Variants in LAT observed in about 807,000 individuals in gnomAD.
LAT encodes the protein linker for activation of T-cells family member 1.
A neutral mutation model predicts 39.1 loss-of-function variants in LAT; 12 were observed. The observed-to-expected ratio is 0.31, with a 90% CI of 0.20 to 0.50. The LOEUF is 0.50. LAT is among the 20% of genes least tolerant of loss of function. The pLI, the probability that LAT is intolerant of heterozygous loss-of-function variation, is 0.98. For missense variants in LAT, 253 were observed against 308.0 expected (o/e 0.82, Z 1.34); for synonymous variants, 117 against 123.8 (o/e 0.95, Z 0.36).
At position 28,986,120 on chromosome 16, in the gene LAT, G is replaced by A. The variant is rs982107383; in HGVS notation, c.164-15G>A. On this transcript the variant is annotated splice_polypyrimidine_tract_variant and intron_variant, in intron 3 of 11. Coordinates refer to ENST00000395456, the MANE Select transcript of LAT (RefSeq NM_001014987.2). This position sits in a 1 kb window ranked among gnomAD's most constrained non-coding sequence, Gnocchi z 5.7. Reference sequence around the variant, plus strand: ...TGTCCGGAGTCCTTCTTTCAACTTGGTTCTGTGTCCTCAGACACGGTTGCC... The same window carrying A: ...TGTCCGGAGTCCTTCTTTCAACTTGATTCTGTGTCCTCAGACACGGTTGCC... The A allele has an allele frequency of 2.5e-6, 4 of 1,585,164 alleles. No individual in the cohort carries two copies. Among genetic ancestry groups the A allele is most frequent in the African/African-American group, 2.7e-5 (2 of 74,132 alleles).
chr16:28,987,697 C>A (rs1019811822), intron 8 of LAT: 2 of 150,186 alleles, frequency 1.3e-5, no homozygotes, highest in African/African-American at 5.1e-5. Flanking sequence ...CCAAGTACTT[C>A]TTTTCTTTCA....
In LAT at chr16:28,986,238, GCCCCTCCAAAGCTCAGCCCCTC is replaced by G. The variant is rs753785101; in HGVS notation, c.245+33_245+54del. 6.4e-6 allele frequency: 10 copies of G among 1,572,710 alleles called. No individual in the cohort carries two copies. Among genetic ancestry groups the G allele is most frequent in the Admixed American group, 1.8e-5 (1 of 56,706 alleles). ...TCCCGTGAGTAGCTGCTCAGCCCCT[GCCCCTCCAAAGCTCAGCCCCTC>G]CCCCTCCAAACTCCACTCTCTACCC... is the stretch of plus-strand genomic sequence containing the variant. On this transcript the variant is annotated intron_variant, in intron 4 of 11. Transcript: ENST00000395456. This position sits in a 1 kb window ranked among gnomAD's most constrained non-coding sequence, Gnocchi z 5.7.
intron 8 of LAT, chr16:28,988,923 AG>A (rs1430201889): frequency 6.5e-6 from 1 of 152,758 alleles, no homozygotes; most frequent in Non-Finnish European, 1.5e-5. Flanking sequence ...AGATCATCTG[AG>A]CCCAGGAGGT....
In LAT at chr16:28,985,329, G is replaced by A. The variant is rs1375733415; in HGVS notation, c.-89G>A. 1.3e-6 allele frequency: 2 copies of A among 1,571,638 alleles called. No individual in the cohort carries two copies. Among genetic ancestry groups the A allele is most frequent in the East Asian group, 4.5e-5 (2 of 44,002 alleles). Reference sequence around the variant, plus strand: ...CTACCTGCCCCCTGCTCCCTGCCGGGTCCGGTCCTCACCCCATCTTCATCT... The same window carrying A: ...CTACCTGCCCCCTGCTCCCTGCCGGATCCGGTCCTCACCCCATCTTCATCT... On this transcript the variant is annotated 5_prime_UTR_variant, in exon 1 of 12. Coordinates refer to ENST00000395456, the MANE Select transcript of LAT (RefSeq NM_001014987.2). The surrounding 1 kb of genome is among the most constrained non-coding windows in gnomAD (Gnocchi z 4.6).
intron 8 of LAT, among the ~76,000 whole-genome samples, chr16:28,987,312 C>G (rs1019199796): frequency 6.6e-6 from 1 of 152,154 alleles, no homozygotes; most frequent in Non-Finnish European, 1.5e-5. Flanking sequence ...TCAACCCTTC[C>G]ACTGCAATTT....
rs747217398 is a variant in LAT at position 28,986,762 on chromosome 16, C to T, written c.399-37C>T. 4 of 1,608,692 alleles carry T rather than the reference C, an allele frequency of 2.5e-6. No individual in the cohort carries two copies. In the African/African-American group the frequency reaches 4.0e-5, roughly 16 times the overall value. On this transcript the variant is annotated intron_variant, in intron 7 of 11. Transcript: ENST00000395456. This position sits in a 1 kb window ranked among gnomAD's most constrained non-coding sequence, Gnocchi z 5.7. The stretch of plus-strand genomic sequence containing the variant: ...GGAGGTGAGGGCTGAGGCTGTGCGT[C>T]CCCCCTTGCTCACCGGCCCTTTTCA...
In LAT at chr16:28,989,523, A is replaced by T; in HGVS notation, c.494-4A>T. Reference sequence around the variant, plus strand: ...GTGCCGAGGTGGGCCTGGCTTTTCCACAGTGGAGTCCATTGATGATTACGT... The same window carrying T: ...GTGCCGAGGTGGGCCTGGCTTTTCCTCAGTGGAGTCCATTGATGATTACGT... On this transcript the variant is annotated splice_polypyrimidine_tract_variant and splice_region_variant and intron_variant, in intron 8 of 11. Transcript: ENST00000395456. The T allele has an allele frequency of 1.2e-6, 2 of 1,604,146 alleles. No individual in the cohort carries two copies. Among genetic ancestry groups the T allele is most frequent in the Non-Finnish European group, 1.7e-6 (2 of 1,174,562 alleles).
chr16:28,990,196 C>T lies in LAT; in HGVS notation c.*15C>T, dbSNP rs566598862. 1.1e-5 allele frequency: 8 copies of T among 713,980 alleles called. No homozygotes were observed. The highest frequency in any genetic ancestry group is 4.5e-5 in the South Asian group (3 of 66,814). 44.2% of individuals were successfully genotyped at this position (713,980 alleles called of 1,614,324 possible). On this transcript the variant is annotated 3_prime_UTR_variant, in exon 12 of 12. Coordinates refer to ENST00000395456, the MANE Select transcript of LAT (RefSeq NM_001014987.2). ...TGCCCTGGTGTGTTTCAGTGGAGGC[C>T]GAGTCTGTCCTGGAACCAGGCTTGC...
intron 8 of LAT, 99 bp from the exon 9 acceptor site, chr16:28,989,428 C>A: frequency 9.5e-7 from 1 of 1,050,474 alleles, no homozygotes; most frequent in South Asian, 1.5e-5. Flanking sequence ...TGGGGTCTAC[C>A]GTTGGGGAGC....
rs555904248 is a variant in LAT, at chr16:28,985,886, C to G, written c.161C>G (p.Pro54Arg). Residue 54 changes from proline to arginine, a missense_variant and splice_region_variant, in exon 3 of 12, where the codon CCT becomes CGT. Transcript: ENST00000395456. This position sits in a 1 kb window ranked among gnomAD's most constrained non-coding sequence, Gnocchi z 4.6. ...CCAAGGGGCATCCAGTTCAAACGGC[C>G]TCGTGAGTACAAGGAGGGTCCCCTA... is the stretch of plus-strand genomic sequence containing the variant. The part of the protein sequence containing the change: ...LYPRGIQFKR[P>R]HTVAPWPPAY... The G allele has an allele frequency of 1.2e-6, 2 of 1,614,100 alleles. No homozygotes were observed. Among genetic ancestry groups the G allele is most frequent in the African/African-American group, 2.7e-5 (2 of 75,038 alleles).
Position 28,986,485 on chromosome 16 carries a change from A to G in LAT, c.310+39A>G. On this transcript the variant is annotated intron_variant, in intron 5 of 11. Coordinates refer to ENST00000395456, the MANE Select transcript of LAT (RefSeq NM_001014987.2). The surrounding 1 kb of genome is among the most constrained non-coding windows in gnomAD (Gnocchi z 5.7). ...AGGGTTCAGGCGGCGGGGGCTGGGA[A>G]GAAGATAGGCCTGGCCTGAGCTGAC... 1.2e-6 allele frequency: 2 copies of G among 1,613,460 alleles called. No individual in the cohort carries two copies. Among genetic ancestry groups the G allele is most frequent in the Non-Finnish European group, 1.7e-6 (2 of 1,179,598 alleles).
Position 28,985,445 on chromosome 16 carries a change from G to T in LAT, c.28G>T (p.Val10Leu). The T allele has an allele frequency of 6.2e-7, 1 of 1,613,812 alleles. No homozygotes were observed. Among genetic ancestry groups the T allele is most frequent in the Non-Finnish European group, 8.5e-7 (1 of 1,179,932 alleles). The change falls in exon 1 of 12, where the codon GTG becomes TTG. Residue 10 changes from valine to leucine, a missense_variant. Val to Leu is a conservative substitution (Grantham distance 32, BLOSUM62 1). Coordinates refer to ENST00000395456, the MANE Select transcript of LAT (RefSeq NM_001014987.2). The surrounding 1 kb of genome is among the most constrained non-coding windows in gnomAD (Gnocchi z 4.6). The part of the protein sequence containing the change: MEEAILVPC[V>L]LGLLLLPILA... ...GGAGGAGGCCATCCTGGTCCCCTGC[G>T]TGCTGGGGCTCCTGCTGCTGCCCAT...
Position 28,989,930 on chromosome 16 carries a change from C to T in LAT, c.623-3C>T. 6.2e-7 allele frequency: 1 copy of T among 1,613,852 alleles called. No homozygotes were observed. Among genetic ancestry groups the T allele is most frequent in the Non-Finnish European group, 8.5e-7 (1 of 1,179,900 alleles). ...CTGGAGACCAACCTCCCCTCCCTTACAGCCGCCCTGAGTTCCCAGGAGGCA... is the reference window on the plus strand; with the variant it reads ...CTGGAGACCAACCTCCCCTCCCTTATAGCCGCCCTGAGTTCCCAGGAGGCA... On this transcript the variant is annotated splice_region_variant and splice_polypyrimidine_tract_variant and intron_variant, in intron 10 of 11. Coordinates refer to ENST00000395456, the MANE Select transcript of LAT (RefSeq NM_001014987.2).
intron 8 of LAT, chr16:28,987,882 A>T (rs931621034): frequency 6.6e-6 from 1 of 151,804 alleles, no homozygotes; most frequent in Non-Finnish European, 1.5e-5. Flanking sequence ...GCTTGAGCCC[A>T]GGAGTTCAAG....
At position 28,985,679 on chromosome 16, in the gene LAT, C is replaced by G. The variant is rs1377221573; in HGVS notation, c.101-34C>G. On this transcript the variant is annotated intron_variant, in intron 1 of 11. Coordinates refer to ENST00000395456, the MANE Select transcript of LAT (RefSeq NM_001014987.2). This position sits in a 1 kb window ranked among gnomAD's most constrained non-coding sequence, Gnocchi z 4.6. ...CCAGCACCTTCTGCCCTAAGCACCC[C>G]CTGTTCCTGCCTCACCAGCCCTCTC... 2 of 1,613,510 alleles carry G rather than the reference C, an allele frequency of 1.2e-6. No homozygotes were observed. Among genetic ancestry groups the G allele is most frequent in the Non-Finnish European group, 1.7e-6 (2 of 1,179,982 alleles).
Position 28,986,501 on chromosome 16 carries a change from C to T in LAT, c.311-39C>T, listed in dbSNP as rs1965759551. 1 of 1,611,466 alleles carries T rather than the reference C, an allele frequency of 6.2e-7. No homozygotes were observed. Among genetic ancestry groups the T allele is most frequent in the African/African-American group, 1.3e-5 (1 of 75,000 alleles). On this transcript the variant is annotated intron_variant, in intron 5 of 11. Coordinates refer to ENST00000395456, the MANE Select transcript of LAT (RefSeq NM_001014987.2). This position sits in a 1 kb window ranked among gnomAD's most constrained non-coding sequence, Gnocchi z 5.7. ...GGGCTGGGAAGAAGATAGGCCTGGCCTGAGCTGACTTAGTCTCCCTCTCAC... is the reference window on the plus strand; with the variant it reads ...GGGCTGGGAAGAAGATAGGCCTGGCTTGAGCTGACTTAGTCTCCCTCTCAC...
Position 28,985,134 on chromosome 16 carries a change from G to T in LAT, c.-284G>T. The T allele has an allele frequency of 1.4e-6, 2 of 1,427,684 alleles. No homozygotes were observed. Among genetic ancestry groups the T allele is most frequent in the Non-Finnish European group, 1.8e-6 (2 of 1,095,926 alleles). The allele number at this position is 1,427,684 out of a possible 1,614,324, so 88.4% of individuals were successfully genotyped here. On this transcript the variant is annotated 5_prime_UTR_variant, in exon 1 of 12. Coordinates refer to ENST00000395456, the MANE Select transcript of LAT (RefSeq NM_001014987.2). The surrounding 1 kb of genome is among the most constrained non-coding windows in gnomAD (Gnocchi z 4.6). ...GGGGCAGGTAGGGCTGGGACGCAGG[G>T]GTAACTGGATCCCCCGACTTCAGCC... is the stretch of plus-strand genomic sequence containing the variant.
upstream of LAT, chr16:28,985,033 C>T: frequency 7.0e-7 from 1 of 1,424,696 alleles, no homozygotes; most frequent in Non-Finnish European, 9.2e-7. The surrounding 1 kb of genome is among the most constrained non-coding windows in gnomAD (Gnocchi z 4.6). Flanking sequence ...TGATTTCCTG[C>T]CCTCGCCCGG....
rs1965745907 is a variant in LAT, at chr16:28,986,173, A to T, written c.202A>T (p.Thr68Ser). 1.2e-6 allele frequency: 2 copies of T among 1,601,840 alleles called. No homozygotes were observed. Among genetic ancestry groups the T allele is most frequent in the Admixed American group, 1.7e-5 (1 of 58,544 alleles). The stretch of plus-strand genomic sequence containing the variant: ...CTGGCCACCTGCCTACCCACCTGTC[A>T]CCTCCTACCCACCCCTGAGCCAGCC... ...APWPPAYPPV[T>S]SYPPLSQPDL... Residue 68 changes from threonine (T) to serine (S), a missense_variant, in exon 4 of 12, where the codon ACC (threonine) becomes TCC (serine). Transcript: ENST00000395456. This position sits in a 1 kb window ranked among gnomAD's most constrained non-coding sequence, Gnocchi z 5.7.
Sources: gnomAD v4.1 joint callset for allele counts (sites outside exome capture counted in the v4.1 genomes callset) on GRCh38, gnomAD v4.1.1 for gene constraint, Gnocchi (gnomAD v3.1) non-coding constraint, MANE v1.5 for transcripts, NCBI Gene and HGNC (gene_info 2026-07-23, HGNC 2026-07-21) for gene names.